The following SMYD3 variants were observed in gnomAD, a reference collection of about 807,000 sequenced individuals.
The protein encoded by SMYD3 is SET and MYND domain containing 3.
Under a neutral mutation model 57.7 loss-of-function variants are expected in SMYD3, and 36 were observed. The ratio of observed to expected loss-of-function variants is 0.62; its 90% CI spans 0.48 to 0.82. SMYD3 has a LOEUF of 0.82. SMYD3 is among the 40% of genes least tolerant of loss of function. The pLI is 0.00. For synonymous variants in SMYD3, 211 were observed against 195.0 expected, an observed-to-expected ratio of 1.08 and a Z score of -0.68; for missense variants, 515 against 538.8, an observed-to-expected ratio of 0.96 and a Z score of 0.44.
At chr1:245,824,682 CCT>C (rs1156911099) in intron 10 of SMYD3, among the ~76,000 whole-genome samples, 2 of 152,046 alleles carry the variant, frequency 1.3e-5, no homozygotes, top group African/African-American at 4.8e-5. Flanking sequence ...ATGGAGAAAC[CCT>C]GTTTCTACTA....
intron 1 of SMYD3, among the ~76,000 whole-genome samples, chr1:246,477,167 T>C (rs1382279365): frequency 1.3e-5 from 2 of 152,254 alleles, no homozygotes; most frequent in Non-Finnish European, 2.9e-5. Flanking sequence ...AAGCTATTTC[T>C]AAAAACTTTC....
intron 8 of SMYD3, among the ~76,000 whole-genome samples, chr1:245,882,126 G>A (rs923627950): frequency 6.6e-6 from 1 of 152,198 alleles, no homozygotes; most frequent in African/African-American, 2.4e-5. Flanking sequence ...GCTTAGGGAG[G>A]CTCTTGCAGT....
rs2787966 is a variant in SMYD3 at position 246,071,337 on chromosome 1, T to C, written c.532-141400A>G. The stretch of plus-strand genomic sequence containing the variant: ...ACTTCTAGGAAGGAGGGTAGGACGG[T>C]GGGAGAAAACAGGGATTAAGGACAA... On this transcript the variant is annotated intron_variant, in intron 5 of 11. Transcript: ENST00000490107. Among the ~76,000 whole-genome samples the C allele has an allele frequency of 1.6e-3, 240 of 152,178 alleles. 1 individual carries two copies. The highest frequency in any genetic ancestry group is 5.0e-3 in the African/African-American group (208 of 41,518).
chr1:245,771,647 A>G (rs1029591709), intron 10 of SMYD3, among the ~76,000 whole-genome samples: 3 of 152,198 alleles, frequency 2.0e-5, no homozygotes, highest in Non-Finnish European at 4.4e-5. Context: ...TCTTAAAGCA[A>G]ATGTAGAAAC....
At chr1:246,015,581 TTAACAA>T (rs2059362967) in intron 5 of SMYD3, among the ~76,000 whole-genome samples, 1 of 152,206 alleles carries the variant, frequency 6.6e-6, no homozygotes, top group South Asian at 2.1e-4. Flanking sequence ...TCTGTGCCCA[TTAACAA>T]TAACGCTCCA....
intron 1 of SMYD3, among the ~76,000 whole-genome samples, chr1:246,492,241 T>G (rs1289887521): frequency 6.6e-6 from 1 of 152,182 alleles, no homozygotes; most frequent in Non-Finnish European, 1.5e-5. Context: ...AAATATTTAG[T>G]AGGTAATTAG....
At chr1:246,352,988 T>G (rs2065855084) in intron 2 of SMYD3, among the ~76,000 whole-genome samples, 2 of 152,314 alleles carry the variant, frequency 1.3e-5, no homozygotes, top group South Asian at 4.1e-4. Context: ...AATCTGAAGT[T>G]CCTAGAAACA....
At chr1:246,489,673 G>T (rs372793347) in intron 1 of SMYD3, among the ~76,000 whole-genome samples, 1 of 152,210 alleles carries the variant, frequency 6.6e-6, no homozygotes, top group South Asian at 2.1e-4. Flanking sequence ...CATTCAGAGA[G>T]AGAGAGAGAT....
At chr1:246,109,491 T>A (rs2061191074) in intron 5 of SMYD3, among the ~76,000 whole-genome samples, 1 of 152,160 alleles carries the variant, frequency 6.6e-6, no homozygotes. Context: ...GGAAAATAAA[T>A]AAATATAGTA....
chr1:246,387,983 C>T (rs1308154384), intron 1 of SMYD3, among the ~76,000 whole-genome samples: 1 of 34,384 alleles, frequency 2.9e-5, no homozygotes, highest in Non-Finnish European at 6.1e-5. Context: ...TTGAAAATCA[C>T]CTCGAGGTTG....
At chr1:246,393,810 G>A (rs749528879) in intron 1 of SMYD3, among the ~76,000 whole-genome samples, 7 of 151,908 alleles carry the variant, frequency 4.6e-5, no homozygotes, top group East Asian at 1.9e-4. Flanking sequence ...TGCCAAGATC[G>A]CGCCACTGCA....
At chr1:245,855,348 A>G (rs2051187517) in intron 10 of SMYD3, among the ~76,000 whole-genome samples, 1 of 152,042 alleles carries the variant, frequency 6.6e-6, no homozygotes, top group African/African-American at 2.4e-5. Flanking sequence ...TAGCCCATAC[A>G]GTGGTGCTAT....
chr1:245,967,485 G>A (rs1481418283), intron 5 of SMYD3, among the ~76,000 whole-genome samples: 3 of 152,206 alleles, frequency 2.0e-5, no homozygotes, highest in Admixed American at 2.0e-4. Context: ...AAAGTCAAAT[G>A]CATAGGGGCA....
chr1:246,438,204 G>A (rs911452297), intron 1 of SMYD3, among the ~76,000 whole-genome samples: 2 of 152,116 alleles, frequency 1.3e-5, no homozygotes, highest in African/African-American at 4.8e-5. Context: ...TCTGGCAAAC[G>A]TTCAGAGGGA....
At chr1:246,213,858 T>C (rs2063125249) in intron 5 of SMYD3, among the ~76,000 whole-genome samples, 2 of 152,312 alleles carry the variant, frequency 1.3e-5, no homozygotes, top group Non-Finnish European at 2.9e-5. Context: ...AACACAGTTC[T>C]TTCTCTTCCT....
intron 5 of SMYD3, among the ~76,000 whole-genome samples, chr1:246,194,055 T>C (rs1240239577): frequency 2.6e-5 from 4 of 152,172 alleles, no homozygotes; most frequent in Non-Finnish European, 4.4e-5. Context: ...TTTTATGTAC[T>C]TCTCTATAAC....
At chr1:245,986,626 G>A (rs1034663927) in intron 5 of SMYD3, among the ~76,000 whole-genome samples, 3 of 152,054 alleles carry the variant, frequency 2.0e-5, no homozygotes, top group Non-Finnish European at 2.9e-5. Context: ...CTTCAGTGAC[G>A]GTTTTACTGC....
chr1:245,786,126 T>A (rs186509047), intron 10 of SMYD3, among the ~76,000 whole-genome samples: 124 of 127,446 alleles, frequency 9.7e-4, no homozygotes, highest in Middle Eastern at 4.2e-3. Flanking sequence ...TACTAGATAC[T>A]ACAACTATTA....
chr1:246,476,334 C>T (rs1236848566), intron 1 of SMYD3, among the ~76,000 whole-genome samples: 1 of 152,188 alleles, frequency 6.6e-6, no homozygotes, highest in African/African-American at 2.4e-5. Flanking sequence ...AAACTGGCTC[C>T]ACGGGCCAGT....
Sources: gnomAD v4.1 joint callset for allele counts (sites outside exome capture counted in the v4.1 genomes callset) on GRCh38, gnomAD v4.1.1 for gene constraint, MANE v1.5 for transcripts, NCBI Gene and HGNC (gene_info 2026-07-23, HGNC 2026-07-21) for gene names.